ATP2A1: variants seen among roughly 807,000 people sequenced by gnomAD.
ATP2A1 encodes ATPase sarcoplasmic/endoplasmic reticulum Ca2+ transporting 1.
A neutral mutation model predicts 109.5 loss-of-function variants in ATP2A1; 83 were observed. The observed-to-expected ratio is 0.76, with a 90% confidence interval of 0.63 to 0.91. The LOEUF (loss-of-function observed/expected upper bound fraction) is 0.91. ATP2A1 is among the 40% of genes least tolerant of loss of function. The pLI, the probability that ATP2A1 is intolerant of heterozygous loss-of-function variation, is 0.00. For missense variants in ATP2A1, 1,101 were observed against 1,341.0 expected (o/e 0.82, Z 2.80); for synonymous variants, 505 against 537.6 (o/e 0.94, Z 0.84).
intron 2 of ATP2A1, 112 bp from the exon 3 acceptor site, chr16:28,879,389 C>G (rs1354331782): frequency 1.9e-6 from 2 of 1,068,380 alleles, no homozygotes; most frequent in African/African-American, 1.6e-5. Flanking sequence ...ACCAAGCTGT[C>G]TGCCCACCAC....
Position 28,894,030 on chromosome 16 carries a change from GAGGGGTGAGT to G in ATP2A1, c.1096-121_1096-112del, listed in dbSNP as rs1338830970. On this transcript the variant is annotated intron_variant, in intron 9 of 22. Transcript: ENST00000395503. Reference sequence around the variant, plus strand: ...GGGTAGGGTATACGGGGGGGATGAGGAGGGGTGAGTAGGAGGGAAATGGTGGGAAGGTAGG... The same window carrying G: ...GGGTAGGGTATACGGGGGGGATGAGGAGGAGGGAAATGGTGGGAAGGTAGG... The G allele has an allele frequency of 7.9e-6, 6 of 763,286 alleles. No homozygotes were observed. In the South Asian group the frequency reaches 9.3e-5, roughly 12 times the overall value. 47.3% of individuals were successfully genotyped at this position (763,286 alleles called of 1,614,324 possible).
At position 28,894,863 on chromosome 16, in the gene ATP2A1, A is replaced by G. The variant is rs376915313; in HGVS notation, c.1329A>G (p.Thr443=). ...AGAAGGTCGGCGAGGCCACCGAGAC[A>G]GCACTCACCACCCTGGTGGAGAAGA... ...VYEKVGEATE[T]ALTTLVEKMN... Residue 443 remains threonine (T), a synonymous_variant, in exon 12 of 23, where the codon ACA becomes ACG. Transcript: ENST00000395503. The G allele has an allele frequency of 2.2e-4, 353 of 1,611,494 alleles. No individual in the cohort carries two copies. Among genetic ancestry groups the G allele is most frequent in the Middle Eastern group, 8.2e-4 (5 of 6,082 alleles).
In ATP2A1 at chr16:28,887,223, C is replaced by G; in HGVS notation, c.579C>G (p.Pro193=). 3.1e-6 allele frequency: 5 copies of G among 1,613,760 alleles called. No individual in the cohort carries two copies. The highest frequency in any genetic ancestry group is 1.3e-5 in the African/African-American group (1 of 74,900). Reference sequence around the variant, plus strand: ...TATCTGTCATCAAACACACGGAGCCCGTTCCTGACCCCCGAGCTGTCAACC... The same window carrying G: ...TATCTGTCATCAAACACACGGAGCCGGTTCCTGACCCCCGAGCTGTCAACC... ...ESVSVIKHTE[P]VPDPRAVNQD... The change falls in exon 7 of 23, where the codon CCC becomes CCG. Residue 193 remains proline, a synonymous_variant. Transcript: ENST00000395503.
chr16:28,890,573 T>C (rs1963740809), intron 9 of ATP2A1, among the ~76,000 whole-genome samples: 1 of 152,150 alleles, frequency 6.6e-6, no homozygotes, highest in Admixed American at 6.6e-5. Context: ...AAGGATCACT[T>C]GAGCCCAGGA....
At chr16:28,899,671 C>G (rs978579380) in intron 14 of ATP2A1, among the ~76,000 whole-genome samples, 2 of 107,224 alleles carry the variant, frequency 1.9e-5, no homozygotes, top group African/African-American at 3.8e-5. Context: ...GAAAAAGACA[C>G]AATTTGGGGC....
In ATP2A1 at chr16:28,894,937, C is replaced by T. The variant is rs1463145068; in HGVS notation, c.1403C>T (p.Ala468Val). The T allele has an allele frequency of 6.2e-7, 1 of 1,611,990 alleles. No individual in the cohort carries two copies. The change falls in exon 12 of 23, where the codon GCC becomes GTC. Residue 468 changes from alanine (A) to valine (V), a missense_variant. By Grantham distance (64) the Ala-to-Val change is moderately conservative. Coordinates refer to ENST00000395503, the MANE Select transcript of ATP2A1 (RefSeq NM_004320.6). ...AGAAGCCTCTCGAAGGTGGAGAGAG[C>T]CAACGCCTGCAACTCGGTGAGCCTG... is the stretch of plus-strand genomic sequence containing the variant. ...DVRSLSKVER[A>V]NACNSVIRQL... is the part of the protein sequence containing the mutation.
intron 3 of ATP2A1, 153 bp downstream of exon 3, chr16:28,879,736 G>C: frequency 2.2e-6 from 2 of 918,444 alleles, no homozygotes; most frequent in Non-Finnish European, 3.4e-6. Flanking sequence ...GGTGTGATTC[G>C]CGTCCTCCTC....
chr16:28,879,471 C>G, intron 2 of ATP2A1, 30 bp from the exon 3 acceptor site: 2 of 1,606,312 alleles, frequency 1.2e-6, no homozygotes, highest in Non-Finnish European at 1.7e-6. Flanking sequence ...AGACCTTAAC[C>G]CGGGGCCCTC....
In ATP2A1 at chr16:28,887,576, C is replaced by T; in HGVS notation, c.782C>T (p.Ser261Phe). Residue 261 changes from serine (S) to phenylalanine (F), a missense_variant, in exon 8 of 23, where the codon TCC (serine) becomes TTC (phenylalanine). Coordinates refer to ENST00000395503, the MANE Select transcript of ATP2A1 (RefSeq NM_004320.6). ...QKLDEFGEQL[S>F]KVISLICVAV... Reference sequence around the variant, plus strand: ...CTGGATGAGTTTGGGGAGCAGCTCTCCAAGGTCATCTCCCTCATCTGTGTG... The same window carrying T: ...CTGGATGAGTTTGGGGAGCAGCTCTTCAAGGTCATCTCCCTCATCTGTGTG... 6.2e-7 allele frequency: 1 copy of T among 1,614,054 alleles called. No individual in the cohort carries two copies.
rs951686514 is a variant in ATP2A1, at chr16:28,903,645, C to T, written c.2981-55C>T. 3.4e-6 allele frequency: 5 copies of T among 1,463,618 alleles called. No individual in the cohort carries two copies. In the African/African-American group the frequency reaches 7.0e-5, roughly 20 times the overall value. The allele number at this position is 1,463,618 out of a possible 1,614,324, so 90.7% of individuals were successfully genotyped here. ...CCTCAGCCCCCACAGCCCCTATAGC[C>T]CCCATGCCACCTCCCTGCCTTGATA... is the stretch of plus-strand genomic sequence containing the variant. On this transcript the variant is annotated intron_variant, in intron 21 of 22. Coordinates refer to ENST00000395503, the MANE Select transcript of ATP2A1 (RefSeq NM_004320.6). This position sits in a 1 kb window ranked among gnomAD's most constrained non-coding sequence, Gnocchi z 5.6.
rs1021668715 is a variant in ATP2A1 at position 28,880,246 on chromosome 16, G to A, written c.219+663G>A. Among the ~76,000 whole-genome samples the A allele has an allele frequency of 1.3e-5, 2 of 152,188 alleles. No homozygotes were observed. Among genetic ancestry groups the A allele is most frequent in the African/African-American group, 4.8e-5 (2 of 41,460 alleles). On this transcript the variant is annotated intron_variant, in intron 3 of 22. Transcript: ENST00000395503. This position sits in a 1 kb window ranked among gnomAD's most constrained non-coding sequence, Gnocchi z 4.2. ...CTACTCCCCATCCCGCGGTCCATCT[G>A]CATGTCGCGGGTTCTTCCGCAGCAT... is the stretch of plus-strand genomic sequence containing the variant.
chr16:28,895,356 T>C (rs1222943752), intron 12 of ATP2A1, among the ~76,000 whole-genome samples: 1 of 152,206 alleles, frequency 6.6e-6, no homozygotes, highest in African/African-American at 2.4e-5. Context: ...AGGGAAAGCC[T>C]TTCCTTGCCC....
At chr16:28,892,976 G>A (rs1056140806) in intron 9 of ATP2A1, among the ~76,000 whole-genome samples, 16 of 151,922 alleles carry the variant, frequency 1.1e-4, no homozygotes, top group African/African-American at 3.4e-4. Context: ...CCCAGGAGGC[G>A]GAGGTTGCAG....
At chr16:28,879,614 T>TG in intron 3 of ATP2A1, 31 bp downstream of exon 3, 2 of 1,608,372 alleles carry the variant, frequency 1.2e-6, no homozygotes, top group Middle Eastern at 1.7e-4. Context: ...GGGGGCTGGC[T>TG]GGGGGTGTGA....
At chr16:28,904,043 C>T (rs905063154) in intron 22 of ATP2A1, 137 bp from the exon 23 acceptor site, 29 of 848,878 alleles carry the variant, frequency 3.4e-5, no homozygotes, top group South Asian at 2.9e-4. Flanking sequence ...TGTCTGGGGA[C>T]GCAGGTGAGT....
Position 28,898,195 on chromosome 16 carries a change from G to C in ATP2A1, c.1546-38G>C. 6.2e-7 allele frequency: 1 copy of C among 1,614,160 alleles called. No individual in the cohort carries two copies. Among genetic ancestry groups the C allele is most frequent in the Non-Finnish European group, 8.5e-7 (1 of 1,180,010 alleles). On this transcript the variant is annotated intron_variant, in intron 13 of 22. Transcript: ENST00000395503. The surrounding 1 kb of genome is among the most constrained non-coding windows in gnomAD (Gnocchi z 4.0). ...TAGCCACCTGTCACTGCCCTGGAAG[G>C]AAAGTGGTGGTCTCTGAATGCTGTT...
chr16:28,902,177 C>T lies in ATP2A1; in HGVS notation c.2322-7C>T. On this transcript the variant is annotated splice_region_variant and splice_polypyrimidine_tract_variant and intron_variant, in intron 16 of 22. Transcript: ENST00000395503. This position sits in a 1 kb window ranked among gnomAD's most constrained non-coding sequence, Gnocchi z 4.8. The stretch of plus-strand genomic sequence containing the variant: ...AGGACAGAGGTGTGACCACCTCCTT[C>T]CCACAGTATCTTCCTGACCGCTGCC... The T allele has an allele frequency of 6.2e-7, 1 of 1,614,174 alleles. No individual in the cohort carries two copies. Among genetic ancestry groups the T allele is most frequent in the Non-Finnish European group, 8.5e-7 (1 of 1,180,008 alleles).
intron 3 of ATP2A1, chr16:28,879,980 C>T: frequency 2.0e-6 from 2 of 1,018,552 alleles, no homozygotes; most frequent in Non-Finnish European, 2.3e-6. Context: ...CGCCCGTCGG[C>T]GCCCCTGCCC....
In ATP2A1 at chr16:28,882,250, T is replaced by C. The variant is rs7498555; in HGVS notation, c.325-201T>C. Reference sequence around the variant, plus strand: ...CTGGGATTACAGGCGTGAGTCACCATGCCCGGCCTGATTTTCTTTGATTCT... The same window carrying C: ...CTGGGATTACAGGCGTGAGTCACCACGCCCGGCCTGATTTTCTTTGATTCT... On this transcript the variant is annotated intron_variant, in intron 4 of 22. Transcript: ENST00000395503. Among the ~76,000 whole-genome samples, 43,132 of 151,728 alleles carry C rather than the reference T, an allele frequency of 0.28. 7,938 individuals are homozygous for C. Among genetic ancestry groups the C allele is most frequent in the Non-Finnish European group, 0.39 (26,535 of 67,862 alleles).
Sources: gnomAD v4.1 joint callset for allele counts (sites outside exome capture counted in the v4.1 genomes callset) on GRCh38, gnomAD v4.1.1 for gene constraint, Gnocchi (gnomAD v3.1) non-coding constraint, MANE v1.5 for transcripts, NCBI Gene and HGNC (gene_info 2026-07-23, HGNC 2026-07-21) for gene names.